The following FNDC3B variants were observed in gnomAD, a reference collection of about 807,000 sequenced individuals.
The protein encoded by FNDC3B is fibronectin type III domain containing 3B.
In FNDC3B, 12 loss-of-function variants were observed where a neutral mutation model predicts 151.5. That is an observed-to-expected ratio of 0.08 (90% CI 0.05 to 0.13). FNDC3B has a LOEUF of 0.13. FNDC3B is among the 10% of genes least tolerant of loss of function. The pLI, the probability that FNDC3B is intolerant of heterozygous loss-of-function variation, is 1.00. For synonymous variants in FNDC3B, 528 were observed against 549.0 expected (o/e 0.96, Z 0.54); for missense variants, 1,214 against 1,505.3 (o/e 0.81, Z 3.20).
intron 2 of FNDC3B, among the ~76,000 whole-genome samples, chr3:172,117,458 A>AAG (rs1720319397): frequency 2.0e-5 from 3 of 152,354 alleles, no homozygotes; most frequent in Admixed American, 6.5e-5. Context: ...TTGCGCACAA[A>AAG]AGAATAAACA....
chr3:172,209,442 T>C (rs1725609947), intron 3 of FNDC3B, among the ~76,000 whole-genome samples: 1 of 152,170 alleles, frequency 6.6e-6, no homozygotes. Context: ...AGGAGCTTTA[T>C]TGAGCAACAG....
intron 1 of FNDC3B, among the ~76,000 whole-genome samples, chr3:172,073,449 G>A (rs1717874658): frequency 6.6e-6 from 1 of 152,194 alleles, no homozygotes; most frequent in Admixed American, 6.5e-5. Context: ...TGCAGTACCA[G>A]CTTCTGTCTG....
chr3:172,246,735 G>A (rs1727797456), intron 4 of FNDC3B, among the ~76,000 whole-genome samples: 1 of 152,078 alleles, frequency 6.6e-6, no homozygotes. Flanking sequence ...ACTTCAGCCT[G>A]GGCAACAGAG....
chr3:172,175,147 C>T (rs746138995), intron 3 of FNDC3B, among the ~76,000 whole-genome samples: 3 of 151,290 alleles, frequency 2.0e-5, no homozygotes, highest in South Asian at 2.1e-4. Flanking sequence ...GTCTCCTTGC[C>T]GTTGTCTCTC....
chr3:172,099,455 T>C (rs550014369), intron 1 of FNDC3B, among the ~76,000 whole-genome samples: 1 of 152,112 alleles, frequency 6.6e-6, no homozygotes, highest in South Asian at 2.1e-4. Context: ...GGCAACACAA[T>C]ATTATTTGTC....
At chr3:172,154,854 T>A (rs1475196145) in intron 3 of FNDC3B, among the ~76,000 whole-genome samples, 1 of 152,118 alleles carries the variant, frequency 6.6e-6, no homozygotes, top group African/African-American at 2.4e-5. Flanking sequence ...CTTCGTGATC[T>A]CTCCAGGAGC....
intron 1 of FNDC3B, among the ~76,000 whole-genome samples, chr3:172,069,047 T>C (rs1178128569): frequency 6.6e-6 from 1 of 152,220 alleles, no homozygotes; most frequent in East Asian, 1.9e-4. Flanking sequence ...TCCATATTCC[T>C]TTGTAAATCT....
At chr3:172,297,820 CT>C (rs1730717609) in intron 8 of FNDC3B, among the ~76,000 whole-genome samples, 1 of 152,114 alleles carries the variant, frequency 6.6e-6, no homozygotes, top group African/African-American at 2.4e-5. Flanking sequence ...CTACAAAATA[CT>C]TCAGGATATT....
At chr3:172,330,365 G>T in intron 12 of FNDC3B, 176 bp from the exon 13 acceptor site, 2 of 523,318 alleles carry the variant, frequency 3.8e-6, no homozygotes, top group East Asian at 6.3e-5. Flanking sequence ...ATGGGGTGGG[G>T]GGATGGGGAA....
At chr3:172,375,233 A>G (rs1488129608) in intron 23 of FNDC3B, among the ~76,000 whole-genome samples, 4 of 152,212 alleles carry the variant, frequency 2.6e-5, no homozygotes, top group African/African-American at 9.6e-5. Context: ...GACTGGAGAA[A>G]GTCTTCAGAA....
At position 172,398,153 on chromosome 3, in the gene FNDC3B, G is replaced by A. The variant is rs1295636166; in HGVS notation, c.*678G>A. 1 of 152,592 alleles carries A rather than the reference G, an allele frequency of 6.6e-6. No homozygotes were observed. The highest frequency in any genetic ancestry group is 2.4e-5 in the African/African-American group (1 of 41,418). 9.5% of individuals were successfully genotyped at this position (152,592 alleles called of 1,614,324 possible). A position where few individuals can be genotyped will look rare whatever the true frequency, so the allele number is the denominator to read the frequency against. On this transcript the variant is annotated 3_prime_UTR_variant, in exon 26 of 26. Transcript: ENST00000415807. ...AACCAGAATGCACCTATAAATTATG[G>A]AGCATTGTAGATTTTACCACATCAA...
intron 1 of FNDC3B, among the ~76,000 whole-genome samples, chr3:172,081,719 A>G (rs1012622761): frequency 1.3e-5 from 2 of 152,218 alleles, no homozygotes; most frequent in Admixed American, 6.5e-5. Context: ...TGGTAAGGTT[A>G]GTAACAGGTG....
intron 21 of FNDC3B, 48 bp downstream of exon 21, chr3:172,347,409 G>C (rs1733666861): frequency 3.4e-6 from 5 of 1,471,340 alleles, no homozygotes; most frequent in Non-Finnish European, 4.6e-6. Flanking sequence ...GCTGTCCCAT[G>C]AAAGGCACTT....
At chr3:172,282,829 T>G (rs1729807688) in intron 6 of FNDC3B, among the ~76,000 whole-genome samples, 1 of 152,228 alleles carries the variant, frequency 6.6e-6, no homozygotes, top group Admixed American at 6.5e-5. Context: ...GGACCATGTA[T>G]TAGACTTGTG....
chr3:172,368,908 G>A (rs540080594), intron 23 of FNDC3B, among the ~76,000 whole-genome samples: 4 of 152,308 alleles, frequency 2.6e-5, no homozygotes, highest in Admixed American at 2.6e-4. Context: ...CTACTCAGGA[G>A]CCTGAGGCAG....
intron 3 of FNDC3B, among the ~76,000 whole-genome samples, chr3:172,147,561 C>T (rs1218460643): frequency 6.6e-6 from 1 of 152,036 alleles, no homozygotes; most frequent in Non-Finnish European, 1.5e-5. Flanking sequence ...CTATGTCAGA[C>T]CCTAAAGATT....
At chr3:172,242,809 T>C (rs1263472319) in intron 4 of FNDC3B, among the ~76,000 whole-genome samples, 1 of 152,244 alleles carries the variant, frequency 6.6e-6, no homozygotes, top group Non-Finnish European at 1.5e-5. Context: ...GCAGTGGGCT[T>C]GAATTTCTCC....
chr3:172,130,528 G>C (rs573730639), intron 2 of FNDC3B, among the ~76,000 whole-genome samples: 2 of 152,080 alleles, frequency 1.3e-5, no homozygotes, highest in Non-Finnish European at 2.9e-5. Flanking sequence ...AGTAAGCAGG[G>C]GGGGAAGGTA....
chr3:172,192,551 C>T (rs1724581177), intron 3 of FNDC3B, among the ~76,000 whole-genome samples: 1 of 152,006 alleles, frequency 6.6e-6, no homozygotes, highest in South Asian at 2.1e-4. Flanking sequence ...ACAGTAATAA[C>T]TCTAATCTGA....
Sources: allele counts gnomAD v4.1 joint callset (sites outside exome capture counted in the v4.1 genomes callset), GRCh38; gene constraint gnomAD v4.1.1; transcripts MANE v1.5; gene names NCBI Gene and HGNC (gene_info 2026-07-23, HGNC 2026-07-21).